Variants in ERN2 observed in about 807,000 individuals in gnomAD.
ERN2 encodes endoplasmic reticulum to nucleus signaling 2.
A neutral mutation model predicts 107.9 loss-of-function variants in ERN2; 111 were observed. The observed-to-expected ratio is 1.03, with a 90% CI of 0.88 to 1.20. The LOEUF is 1.20. Ranked by LOEUF, ERN2 falls within the 50% of genes most tolerant of loss-of-function variation. ERN2 has a pLI of 0.00. For missense variants in ERN2, 1,225 were observed against 1,197.9 expected, an observed-to-expected ratio of 1.02 and a Z score of -0.33; for synonymous variants, 524 against 501.7, an observed-to-expected ratio of 1.04 and a Z score of -0.59.
At chr16:23,709,476 T>A (rs1015792673) in intron 4 of ERN2, 4 of 226,988 alleles carry the variant, frequency 1.8e-5, no homozygotes, top group African/African-American at 9.4e-5. Context: ...AGAGATGGAA[T>A]CTGTTTTTTC....
At chr16:23,706,981 A>AC in intron 5 of ERN2, 26 bp downstream of exon 5, 1 of 1,608,560 alleles carries the variant, frequency 6.2e-7, no homozygotes, top group Non-Finnish European at 8.5e-7. Flanking sequence ...CTGAACCTGG[A>AC]CCCCACAGGC....
At chr16:23,709,143 A>G (rs769054284) in intron 4 of ERN2, 40 of 454,768 alleles carry the variant, frequency 8.8e-5, no homozygotes, top group Non-Finnish European at 1.8e-4. Flanking sequence ...TAGAATTCTG[A>G]CAAAGAACTG....
At chr16:23,709,648 A>C in intron 4 of ERN2, 1 of 181,368 alleles carries the variant, frequency 5.5e-6, no homozygotes. Context: ...GGGATAAGAG[A>C]CATATGGCCC....
In ERN2 at chr16:23,690,757, A is replaced by T; in HGVS notation, c.*74T>A. 9 of 996,538 alleles carry T rather than the reference A, an allele frequency of 9.0e-6. No homozygotes were observed. Among genetic ancestry groups the T allele is most frequent in the Non-Finnish European group, 1.1e-5 (8 of 711,570 alleles). The allele number at this position is 996,538 out of a possible 1,614,324, so 61.7% of individuals were successfully genotyped here. A position where few individuals can be genotyped will look rare whatever the true frequency, so the allele number is the denominator to read the frequency against. On this transcript the variant is annotated 3_prime_UTR_variant, in exon 22 of 22. Transcript: ENST00000256797. ...GGTGTGAGCCACTGCACCCAGCCTG[A>T]TTCTGAGGCCAGCCACAGGCTCAGC... is the stretch of plus-strand genomic sequence containing the variant.
intron 14 of ERN2, among the ~76,000 whole-genome samples, 161 bp from the exon 15 acceptor site, chr16:23,695,550 A>AC (rs1459612786): frequency 6.6e-6 from 1 of 151,400 alleles, no homozygotes; most frequent in East Asian, 1.9e-4. Context: ...ACATGGTGAA[A>AC]CCCCCATCTC....
rs199792275 is a variant in ERN2 at position 23,704,914 on chromosome 16, T to C, written c.823A>G (p.Thr275Ala). Residue 275 changes from threonine (T) to alanine (A), a missense_variant, in exon 8 of 22, where the codon ACC becomes GCC. Thr to Ala is a moderately conservative substitution (Grantham distance 58). Transcript: ENST00000256797. ...TGGGTGTCCAAGGTAGAGAAGAGGG[T>C]GGCTGTGTCCCGGGGGCCTGAGGCA... The part of the protein sequence containing the change: ...LPASGPRDTA[T>A]LFSTLDTQLL... The C allele has an allele frequency of 8.1e-5, 130 of 1,612,228 alleles. No individual in the cohort carries two copies. Among genetic ancestry groups the C allele is most frequent in the Admixed American group, 3.3e-5 (2 of 59,980 alleles).
chr16:23,695,747 A>C (rs945995628), intron 14 of ERN2, 147 bp downstream of exon 14: 401 of 542,736 alleles, frequency 7.4e-4, no homozygotes, highest in Non-Finnish European at 1.1e-3. Flanking sequence ...AAAAAAAAAA[A>C]CAGATAAAGG....
chr16:23,707,471 T>C (rs938950982), intron 4 of ERN2: 4 of 225,324 alleles, frequency 1.8e-5, no homozygotes, highest in African/African-American at 7.0e-5. Flanking sequence ...TCCCAGCACA[T>C]TGGGAGGCTG....
At position 23,700,977 on chromosome 16, in the gene ERN2, A is replaced by G. The variant is rs368698808; in HGVS notation, c.1341T>C (p.Ile447=). 1 of 1,613,896 alleles carries G rather than the reference A, an allele frequency of 6.2e-7. No individual in the cohort carries two copies. Among genetic ancestry groups the G allele is most frequent in the Non-Finnish European group, 8.5e-7 (1 of 1,179,966 alleles). The change falls in exon 12 of 22, where the codon ATT becomes ATC. Residue 447 remains isoleucine, a synonymous_variant. Transcript: ENST00000256797. ...SLTAVLLGGW[I]LFVMRQQQPQ... is the part of the protein sequence containing the mutation. The stretch of plus-strand genomic sequence containing the variant: ...GGCCTACCTGCCTCATCACAAAGAG[A>G]ATCCACCCTCCCAGGAGGACAGCAG...
At chr16:23,709,106 T>A in intron 4 of ERN2, 1 of 449,410 alleles carries the variant, frequency 2.2e-6, no homozygotes, top group South Asian at 1.6e-5. Flanking sequence ...ACTTAAGACT[T>A]TTCTAGCAGG....
In ERN2 at chr16:23,695,954, T is replaced by G. The variant is rs1391527931; in HGVS notation, c.1550A>C (p.Lys517Thr). ...CACGTCCTTGGGATTGAAGGAAATC[T>G]TCCCCACTACGGTGAGTTGCTCAGC... ...PEAEQLTVVG[K>T]ISFNPKDVLG... The change falls in exon 14 of 22, where the codon AAG becomes ACG. Residue 517 changes from lysine to threonine, a missense_variant. Coordinates refer to ENST00000256797, the MANE Select transcript of ERN2 (RefSeq NM_033266.4). 3 of 1,613,998 alleles carry G rather than the reference T, an allele frequency of 1.9e-6. No individual in the cohort carries two copies. The highest frequency in any genetic ancestry group is 2.5e-6 in the Non-Finnish European group (3 of 1,179,978).
Position 23,691,161 on chromosome 16 carries a change from C to A in ERN2, c.2536G>T (p.Val846Leu). The A allele has an allele frequency of 6.2e-7, 1 of 1,614,136 alleles. No homozygotes were observed. Among genetic ancestry groups the A allele is most frequent in the Middle Eastern group, 1.6e-4 (1 of 6,062 alleles). ...CTCACAGCACGGAGCAGGTCTCGCA[C>A]TGATGTCCCCTTATAGGACCGGAAC... ...RKFRSYKGTSVRDLLRAVRNK... is the reference protein window; with the variant it reads ...RKFRSYKGTSLRDLLRAVRNK... The change falls in exon 21 of 22, where the codon GTG becomes TTG. Residue 846 changes from valine to leucine, a missense_variant. Coordinates refer to ENST00000256797, the MANE Select transcript of ERN2 (RefSeq NM_033266.4).
chr16:23,702,011 C>A, intron 11 of ERN2, 141 bp downstream of exon 11: 2 of 841,402 alleles, frequency 2.4e-6, no homozygotes, highest in Non-Finnish European at 3.7e-6. Context: ...TTGTTCCCAA[C>A]AAAAAGTCTG....
intron 7 of ERN2, 99 bp from the exon 8 acceptor site, chr16:23,705,246 T>TAACCCTCCATGTGATCTC: frequency 4.5e-6 from 6 of 1,327,504 alleles, no homozygotes; most frequent in Non-Finnish European, 5.2e-6. Context: ...TGTGTGGAGA[T>TAACCCTCCATGTGATCTC]CACATGGAGG....
chr16:23,705,447 G>A (rs766346637), intron 7 of ERN2, among the ~76,000 whole-genome samples: 1 of 137,014 alleles, frequency 7.3e-6, no homozygotes, highest in Non-Finnish European at 1.6e-5. Context: ...GGAGGCATTT[G>A]GGTCACTTGG....
intron 4 of ERN2, 41 bp downstream of exon 4, chr16:23,710,131 C>A (rs377741769): frequency 1.5e-5 from 21 of 1,429,540 alleles, no homozygotes; most frequent in Admixed American, 1.3e-4. Context: ...CTGACGAAAG[C>A]CCTGGCTCTC....
At position 23,691,304 on chromosome 16, in the gene ERN2, G is replaced by A; in HGVS notation, c.2498C>T (p.Thr833Ile). The A allele has an allele frequency of 3.1e-6, 5 of 1,610,876 alleles. No individual in the cohort carries two copies. Among genetic ancestry groups the A allele is most frequent in the Non-Finnish European group, 4.2e-6 (5 of 1,179,518 alleles). ...WHEHISMPLQ[T>I]DLRKFRSYKG... ...GCCCACCTGAGTATGGCCTCTACCT[G>A]TCTGCAGCGGCATGGAGATGTGCTC... Residue 833 changes from threonine (T) to isoleucine (I), a missense_variant and splice_region_variant, in exon 20 of 22, where the codon ACA (threonine) becomes ATA (isoleucine). Coordinates refer to ENST00000256797, the MANE Select transcript of ERN2 (RefSeq NM_033266.4).
At chr16:23,708,539 G>GT (rs1180156843) in intron 4 of ERN2, among the ~76,000 whole-genome samples, 1 of 151,618 alleles carries the variant, frequency 6.6e-6, no homozygotes, top group Non-Finnish European at 1.5e-5. Flanking sequence ...GTATTTTTTG[G>GT]TAGAGACGGG....
At chr16:23,709,104 C>T (rs1960440915) in intron 4 of ERN2, 2 of 448,596 alleles carry the variant, frequency 4.5e-6, no homozygotes, top group Admixed American at 2.4e-5. Context: ...ATACTTAAGA[C>T]TTTTCTAGCA....
Sources: gnomAD v4.1 joint callset for allele counts (sites outside exome capture counted in the v4.1 genomes callset) on GRCh38, gnomAD v4.1.1 for gene constraint, MANE v1.5 for transcripts, NCBI Gene and HGNC (gene_info 2026-07-23, HGNC 2026-07-21) for gene names.